ARL13A: variants seen among roughly 807,000 people sequenced by gnomAD.
The protein encoded by ARL13A is ADP-ribosylation factor-like protein 13A.
Under a neutral mutation model 19.1 loss-of-function variants are expected in ARL13A, and 16 were observed. The ratio of observed to expected loss-of-function variants is 0.84; its 90% CI spans 0.57 to 1.27. The LOEUF (loss-of-function observed/expected upper bound fraction) is 1.27. Ranked by LOEUF, ARL13A falls within the 50% of genes most tolerant of loss-of-function variation. The pLI is 0.00. For missense variants in ARL13A, 153 were observed against 186.4 expected (o/e 0.82, Z 1.04); for synonymous variants, 69 against 71.3 (o/e 0.97, Z 0.17).
At chrX:100,983,420 G>A in intron 3 of ARL13A, among the ~76,000 whole-genome samples, 1 of 110,184 alleles carries the variant, frequency 9.1e-6, no homozygotes, top group Non-Finnish European at 1.9e-5. Flanking sequence ...GCAATGGTGA[G>A]ACCTCAGCTC....
At chrX:100,983,819 T>A (rs2085896419) in intron 3 of ARL13A, among the ~76,000 whole-genome samples, 1 of 111,648 alleles carries the variant, frequency 9.0e-6, no homozygotes, top group Non-Finnish European at 1.9e-5. Context: ...TAATAATATA[T>A]ACATATACAC....
chrX:100,990,359 G>C, intron 7 of ARL13A: 2 of 928,330 alleles, frequency 2.2e-6, no homozygotes, highest in Non-Finnish European at 2.7e-6. Context: ...AAGTAACAGA[G>C]AAAGTAAAGA....
chrX:100,980,554 C>G (rs1311807198), intron 3 of ARL13A, among the ~76,000 whole-genome samples: 1 of 110,853 alleles, frequency 9.0e-6, no homozygotes, highest in Non-Finnish European at 1.9e-5. Flanking sequence ...GAATCAGGGA[C>G]TTCAGGAGTC....
chrX:100,990,452 C>T (rs948090292), intron 7 of ARL13A, 110 bp from the exon 8 acceptor site: 2 of 985,200 alleles, frequency 2.0e-6, no homozygotes, highest in Admixed American at 5.3e-5. Context: ...CAGGACTACC[C>T]GGTTTTTAAA....
intron 1 of ARL13A, 129 bp from the exon 2 acceptor site, chrX:100,973,547 T>C (rs1187502878): frequency 1.1e-6 from 1 of 929,937 alleles, no homozygotes; most frequent in East Asian, 3.4e-5. Context: ...TTGGATAGAA[T>C]GAAGTAATAG....
At chrX:100,979,058 T>A (rs1401863593) in intron 3 of ARL13A, among the ~76,000 whole-genome samples, 3 of 112,126 alleles carry the variant, frequency 2.7e-5, no homozygotes, top group African/African-American at 9.7e-5. Context: ...TTGTTGTTTC[T>A]ATTTATATCT....
In ARL13A at chrX:100,987,518, GAAT is replaced by G; in HGVS notation, c.618_620del (p.Asn207del). The G allele has an allele frequency of 8.3e-7, 1 of 1,211,242 alleles. No homozygotes were observed. The highest frequency in any genetic ancestry group is 1.1e-6 in the Non-Finnish European group (1 of 895,434). On this transcript the variant is annotated inframe_deletion, in exon 6 of 8. Coordinates refer to ENST00000450049, the MANE Select transcript of ARL13A (RefSeq NM_001162491.2). The stretch of plus-strand genomic sequence containing the variant: ...CTACCTCGAGCATCTCAATCTCCAA[GAAT>G]AACACAGGCTCTGGAGAAAGATGCT...
At chrX:100,982,782 A>G (rs937426257) in intron 3 of ARL13A, among the ~76,000 whole-genome samples, 1 of 109,218 alleles carries the variant, frequency 9.2e-6, no homozygotes, top group African/African-American at 3.3e-5. Flanking sequence ...CAGGCTTCCA[A>G]GTAGCTGGGA....
Position 100,969,710 on chromosome X carries a change from CAAG to C in ARL13A, c.-110_-108del, listed in dbSNP as rs2085635316. Reference sequence around the variant, plus strand: ...GACAACCTAAGCTGTGTTAATCTGACAAGAAGGCTAGAAAGCTCAATGCGTCTT... The same window carrying C: ...GACAACCTAAGCTGTGTTAATCTGACAAGGCTAGAAAGCTCAATGCGTCTT... On this transcript the variant is annotated 5_prime_UTR_variant, in exon 1 of 8. Coordinates refer to ENST00000450049, the MANE Select transcript of ARL13A (RefSeq NM_001162491.2). 8.9e-6 allele frequency: 1 copy of C among 112,080 alleles called. No individual in the cohort carries two copies. The highest frequency in any genetic ancestry group is 1.9e-5 in the Non-Finnish European group (1 of 53,234). 9.2% of individuals were successfully genotyped at this position (112,080 alleles called of 1,213,427 possible).
At position 100,985,667 on chromosome X, in the gene ARL13A, T is replaced by A; in HGVS notation, c.131T>A (p.Leu44Ter). 8.3e-7 allele frequency: 1 copy of A among 1,207,395 alleles called. No homozygotes were observed. Among genetic ancestry groups the A allele is most frequent in the Non-Finnish European group, 1.1e-6 (1 of 893,316 alleles). The change falls in exon 4 of 8, where the codon TTA (leucine) becomes TAA (stop). Residue 44 changes from leucine (L) to a stop codon, truncating the protein, a stop_gained and splice_region_variant. Coordinates refer to ENST00000450049, the MANE Select transcript of ARL13A (RefSeq NM_001162491.2). LOFTEE classifies it high-confidence loss of function. ...KTVLVEAFQK[L>*]LPSKTDHCMK... is the part of the protein sequence containing the mutation. ...TTCTCCTCTTTTCCCCTATGCACAG[T>A]ACTTCCCAGTAAGACAGACCATTGC...
rs746280013 is a variant in ARL13A, at chrX:100,977,810, C to T, written c.130+3613C>T. On this transcript the variant is annotated intron_variant, in intron 3 of 7. Coordinates refer to ENST00000450049, the MANE Select transcript of ARL13A (RefSeq NM_001162491.2). ...CAGTTAACATAATGTACTTGTTCTG[C>T]CCGTGTTGCTGCAAATGACAAGATC... Among the ~76,000 whole-genome samples, 5 of 112,288 alleles carry T rather than the reference C, an allele frequency of 4.5e-5. No individual in the cohort carries two copies. In the South Asian group the frequency reaches 1.9e-3, roughly 42 times the overall value.
chrX:100,985,973 T>C (rs1410655156), intron 4 of ARL13A, 57 bp downstream of exon 4: 17 of 1,144,851 alleles, frequency 1.5e-5, no homozygotes, highest in East Asian at 1.2e-4. Flanking sequence ...CTTAAAAGTA[T>C]AGAAATGAAG....
intron 7 of ARL13A, among the ~76,000 whole-genome samples, chrX:100,989,031 A>G (rs1016027156): frequency 1.8e-5 from 2 of 109,567 alleles, no homozygotes; most frequent in African/African-American, 6.6e-5. Context: ...GAAACATCCT[A>G]TATGTCCAAC....
rs1410681067 is a variant in ARL13A at position 100,974,198 on chromosome X, G to C, written c.130+1G>C. On this transcript the variant is annotated splice_donor_variant, in intron 3 of 7. Coordinates refer to ENST00000450049, the MANE Select transcript of ARL13A (RefSeq NM_001162491.2). LOFTEE classifies it high-confidence loss of function. ...GTTCTTGTGGAGGCATTCCAAAAAT[G>C]TAAGGAACTAAGAGCATTAGATACT... The C allele has an allele frequency of 2.6e-6, 3 of 1,174,892 alleles. No homozygotes were observed. The East Asian group carries it at 9.2e-5, about 36-fold the overall frequency.
At chrX:100,975,213 C>A (rs1243385183) in intron 3 of ARL13A, among the ~76,000 whole-genome samples, 1 of 112,029 alleles carries the variant, frequency 8.9e-6, no homozygotes, top group Non-Finnish European at 1.9e-5. Context: ...GCTCTCTGCA[C>A]ATGCCCTCTG....
At chrX:100,975,609 C>CAACA (rs1411404285) in intron 3 of ARL13A, among the ~76,000 whole-genome samples, 2 of 107,743 alleles carry the variant, frequency 1.9e-5, no homozygotes, top group Non-Finnish European at 3.8e-5. Flanking sequence ...TCACCTGAGA[C>CAACA]AACATGTTGC....
At chrX:100,977,366 CTT>C (rs1488607945) in intron 3 of ARL13A, among the ~76,000 whole-genome samples, 6 of 78,181 alleles carry the variant, frequency 7.7e-5, no homozygotes, top group South Asian at 1.6e-3. Flanking sequence ...CTTCTACTCT[CTT>C]CTTTTTTTTT....
At chrX:100,985,617 ATG>A in intron 3 of ARL13A, 48 bp from the exon 4 acceptor site, 1 of 1,171,001 alleles carries the variant, frequency 8.5e-7, no homozygotes. Flanking sequence ...TTAGATGAGT[ATG>A]GAGTTTCGAT....
In ARL13A at chrX:100,974,138, T is replaced by G. The variant is rs750878685; in HGVS notation, c.71T>G (p.Ile24Ser). 8.4e-7 allele frequency: 1 copy of G among 1,190,969 alleles called. No homozygotes were observed. The highest frequency in any genetic ancestry group is 2.3e-5 in the Admixed American group (1 of 43,329). The change falls in exon 3 of 8, where the codon ATC (isoleucine) becomes AGC (serine). Residue 24 changes from isoleucine to serine, a missense_variant. Ile to Ser is a moderately radical substitution (Grantham distance 142). Transcript: ENST00000450049. ...TTEETRRNVT[I>S]PIIGLNNSGK... ...TTTTTCATTTCTAGGAATGTGACCA[T>G]CCCTATCATTGGCTTGAACAACTCT...
Sources: gnomAD v4.1 joint callset for allele counts (sites outside exome capture counted in the v4.1 genomes callset) on GRCh38, gnomAD v4.1.1 for gene constraint, MANE v1.5 for transcripts, NCBI Gene and HGNC (gene_info 2026-07-23, HGNC 2026-07-21) for gene names.